AMBRA1: variants seen among roughly 807,000 people sequenced by gnomAD.
The protein encoded by AMBRA1 is autophagy and beclin 1 regulator 1, also known as activating molecule in BECN1-regulated autophagy protein 1.
Under a neutral mutation model 125.4 loss-of-function variants are expected in AMBRA1, and 47 were observed. The ratio of observed to expected loss-of-function variants is 0.37; its 90% CI spans 0.30 to 0.48. AMBRA1 has a LOEUF of 0.48. Ranked by LOEUF, AMBRA1 falls within the 20% of genes least tolerant of loss-of-function variation. AMBRA1 has a pLI of 0.99. For missense variants in AMBRA1, 1,331 were observed against 1,693.4 expected (o/e 0.79, Z 3.76); for synonymous variants, 626 against 655.5 (o/e 0.95, Z 0.69).
intron 17 of AMBRA1, among the ~76,000 whole-genome samples, chr11:46,399,649 G>C (rs1945627210): frequency 6.6e-6 from 1 of 152,220 alleles, no homozygotes; most frequent in Non-Finnish European, 1.5e-5. Flanking sequence ...ACAGGCGTGA[G>C]CCACCGTGCC....
chr11:46,456,870 A>T (rs542771130), intron 11 of AMBRA1, among the ~76,000 whole-genome samples: 2 of 152,290 alleles, frequency 1.3e-5, no homozygotes, highest in South Asian at 4.1e-4. Flanking sequence ...AATGAAGATA[A>T]ATGCTTTCAG....
intron 15 of AMBRA1, among the ~76,000 whole-genome samples, chr11:46,411,974 ATAC>A (rs1435532016): frequency 2.6e-5 from 4 of 152,146 alleles, no homozygotes; most frequent in Non-Finnish European, 5.9e-5. Context: ...ACCTGAGGGA[ATAC>A]TACTTGCTTC....
chr11:46,530,112 G>T (rs1010416421), intron 7 of AMBRA1, among the ~76,000 whole-genome samples: 1 of 152,192 alleles, frequency 6.6e-6, no homozygotes, highest in African/African-American at 2.4e-5. Context: ...ACTCTGAATA[G>T]ATACAGTAGA....
chr11:46,506,664 G>GTTC (rs1951045752), intron 9 of AMBRA1, among the ~76,000 whole-genome samples: 1 of 152,268 alleles, frequency 6.6e-6, no homozygotes, highest in Admixed American at 6.5e-5. Context: ...AAATGCCAGT[G>GTTC]AAGAAGGAGG....
At chr11:46,566,247 G>A (rs528763642) in intron 1 of AMBRA1, among the ~76,000 whole-genome samples, 3 of 152,168 alleles carry the variant, frequency 2.0e-5, no homozygotes, top group African/African-American at 4.8e-5. Context: ...GGTGAAACCC[G>A]TCTCTACTAA....
intron 7 of AMBRA1, among the ~76,000 whole-genome samples, chr11:46,528,214 C>T (rs912925430): frequency 6.6e-6 from 1 of 152,166 alleles, no homozygotes; most frequent in African/African-American, 2.4e-5. Context: ...GCTTTGTCAC[C>T]CAGGTTGGAG....
chr11:46,431,741 T>C (rs150619874), intron 14 of AMBRA1, among the ~76,000 whole-genome samples: 79 of 152,358 alleles, frequency 5.2e-4, no homozygotes, highest in African/African-American at 1.8e-3. Flanking sequence ...GACCAGCTTC[T>C]GCTTAAGAGA....
intron 11 of AMBRA1, among the ~76,000 whole-genome samples, chr11:46,483,808 G>T (rs1950165993): frequency 6.6e-6 from 1 of 152,120 alleles, no homozygotes; most frequent in African/African-American, 2.4e-5. Context: ...TGAGACAGGA[G>T]AATTGCTTGA....
intron 14 of AMBRA1, among the ~76,000 whole-genome samples, chr11:46,429,442 G>T (rs901879693): frequency 6.6e-6 from 1 of 152,048 alleles, no homozygotes; most frequent in Non-Finnish European, 1.5e-5. Flanking sequence ...ATTGGGAGGT[G>T]GGGGGGTGGT....
At chr11:46,463,389 A>G (rs1057014386) in intron 11 of AMBRA1, among the ~76,000 whole-genome samples, 1 of 152,226 alleles carries the variant, frequency 6.6e-6, no homozygotes, top group African/African-American at 2.4e-5. Context: ...TATAAAATAT[A>G]TAGATGCTCT....
chr11:46,405,562 A>G (rs1016087957), intron 17 of AMBRA1, among the ~76,000 whole-genome samples: 20 of 151,956 alleles, frequency 1.3e-4, no homozygotes, highest in Non-Finnish European at 2.4e-4. Context: ...CTAAAAAAAA[A>G]TAATGATTAA....
At chr11:46,451,326 T>C (rs1395744773) in intron 11 of AMBRA1, among the ~76,000 whole-genome samples, 1 of 152,194 alleles carries the variant, frequency 6.6e-6, no homozygotes, top group African/African-American at 2.4e-5. Flanking sequence ...AGAATGTGTC[T>C]AGGGATAAAA....
chr11:46,486,600 G>T (rs1950273822), intron 11 of AMBRA1, among the ~76,000 whole-genome samples: 1 of 152,116 alleles, frequency 6.6e-6, no homozygotes, highest in Admixed American at 6.6e-5. Context: ...CAGAGTACTG[G>T]TGTTTTTAAA....
intron 1 of AMBRA1, among the ~76,000 whole-genome samples, chr11:46,559,670 TG>T (rs2043267631): frequency 6.6e-6 from 1 of 152,184 alleles, no homozygotes; most frequent in African/African-American, 2.4e-5. Context: ...TCCTGCAATC[TG>T]GGGATATAGG....
chr11:46,450,875 G>A (rs1948556825), intron 11 of AMBRA1, among the ~76,000 whole-genome samples: 1 of 152,234 alleles, frequency 6.6e-6, no homozygotes, highest in Non-Finnish European at 1.5e-5. Flanking sequence ...CATACTTTGA[G>A]TGATAATGAT....
intron 11 of AMBRA1, among the ~76,000 whole-genome samples, chr11:46,470,398 G>A (rs1949535987): frequency 6.6e-6 from 1 of 152,060 alleles, no homozygotes; most frequent in African/African-American, 2.4e-5. Flanking sequence ...ACCAATCCTG[G>A]CTAACACGGT....
chr11:46,585,723 T>TATATA (rs1442252869), intron 1 of AMBRA1, among the ~76,000 whole-genome samples: 4 of 99,754 alleles, frequency 4.0e-5, no homozygotes, highest in Non-Finnish European at 8.2e-5. Context: ...TATATATATA[T>TATATA]TCCTAGCTTC....
chr11:46,573,690 A>C (rs1181252890), intron 1 of AMBRA1, among the ~76,000 whole-genome samples: 3 of 148,034 alleles, frequency 2.0e-5, no homozygotes, highest in Non-Finnish European at 4.5e-5. Context: ...TTATACTTTA[A>C]GTTTTAGGGT....
chr11:46,574,894 A>T (rs983035892), intron 1 of AMBRA1, among the ~76,000 whole-genome samples: 9 of 152,230 alleles, frequency 5.9e-5, no homozygotes, highest in Non-Finnish European at 1.3e-4. Context: ...GGTTTGTTAC[A>T]AATATTACAT....
Sources: gnomAD v4.1 joint callset for allele counts (sites outside exome capture counted in the v4.1 genomes callset) on GRCh38, gnomAD v4.1.1 for gene constraint, MANE v1.5 for transcripts, NCBI Gene and HGNC (gene_info 2026-07-23, HGNC 2026-07-21) for gene names.